MEOX1: variants seen among roughly 807,000 people sequenced by gnomAD.
MEOX1 encodes homeobox protein MOX-1.
A neutral mutation model predicts 23.2 loss-of-function variants in MEOX1; 17 were observed. The ratio of observed to expected loss-of-function variants is 0.73; its 90% CI spans 0.50 to 1.10. The LOEUF is 1.10. Ranked by LOEUF, MEOX1 falls within the 50% of genes least tolerant of loss-of-function variation. MEOX1 has a pLI of 0.00. For synonymous variants in MEOX1, 134 were observed against 135.1 expected, an observed-to-expected ratio of 0.99 and a Z score of 0.06; for missense variants, 333 against 332.2, an observed-to-expected ratio of 1.00 and a Z score of -0.02.
At chr17:43,645,335 C>A (rs1252903654) in intron 1 of MEOX1, among the ~76,000 whole-genome samples, 1 of 151,920 alleles carries the variant, frequency 6.6e-6, no homozygotes, top group Non-Finnish European at 1.5e-5. Flanking sequence ...CGCCACCACG[C>A]CCGGCAAATT....
rs1161005229 is a variant in MEOX1, at chr17:43,641,257, C to T, written c.*653G>A. The T allele has an allele frequency of 6.6e-6, 1 of 152,194 alleles. No homozygotes were observed. Among genetic ancestry groups the T allele is most frequent in the Non-Finnish European group, 1.5e-5 (1 of 68,062 alleles). The allele number at this position is 152,194 out of a possible 1,614,324, so 9.4% of individuals were successfully genotyped here. A position where few individuals can be genotyped will look rare whatever the true frequency, so the allele number is the denominator to read the frequency against. ...AACCTACATCGGGCTATTTTTCTGT[C>T]TTCTCTAGTCAGTTCTCAGAAGTGT... On this transcript the variant is annotated 3_prime_UTR_variant, in exon 3 of 3. Transcript: ENST00000318579.
chr17:43,658,688 C>T (rs539771997), intron 1 of MEOX1, among the ~76,000 whole-genome samples: 3 of 152,054 alleles, frequency 2.0e-5, no homozygotes, highest in Non-Finnish European at 2.9e-5. Context: ...ATTCCAGATT[C>T]CTGGAGTAGG....
chr17:43,652,825 CTTTTTT>C (rs397856379), intron 1 of MEOX1, among the ~76,000 whole-genome samples: 4 of 71,106 alleles, frequency 5.6e-5, no homozygotes, highest in South Asian at 7.0e-4. Flanking sequence ...TCTACTATTG[CTTTTTT>C]TTTTTTTTTT....
rs748309231 is a variant in MEOX1 at position 43,661,268 on chromosome 17, T to A, written c.267A>T (p.Pro89=). ...HIFTEQHPAF[P]QSPNWHFPVS... Reference sequence around the variant, plus strand: ...CAGGGAAGTGCCAGTTGGGGGACTGTGGGAAAGCGGGGTGCTGCTCAGTGA... The same window carrying A: ...CAGGGAAGTGCCAGTTGGGGGACTGAGGGAAAGCGGGGTGCTGCTCAGTGA... Residue 89 remains proline (P), a synonymous_variant, in exon 1 of 3, where the codon CCA becomes CCT. Coordinates refer to ENST00000318579, the MANE Select transcript of MEOX1 (RefSeq NM_004527.4). The A allele has an allele frequency of 1.2e-6, 2 of 1,609,478 alleles. No individual in the cohort carries two copies. Among genetic ancestry groups the A allele is most frequent in the South Asian group, 1.1e-5 (1 of 90,330 alleles).
At chr17:43,653,340 A>G (rs140715537) in intron 1 of MEOX1, among the ~76,000 whole-genome samples, 2,016 of 149,750 alleles carry the variant, frequency 0.013, 29 homozygotes, top group Non-Finnish European at 0.021. Flanking sequence ...GGGTTTCATC[A>G]TGTTGGTCAG....
chr17:43,661,007 G>T, intron 1 of MEOX1, 59 bp downstream of exon 1: 1 of 1,148,248 alleles, frequency 8.7e-7, no homozygotes, highest in Non-Finnish European at 1.2e-6. Context: ...CAGAGAGGGT[G>T]AGTAACTTCC....
chr17:43,653,864 C>G (rs1972964889), intron 1 of MEOX1, among the ~76,000 whole-genome samples: 1 of 152,132 alleles, frequency 6.6e-6, no homozygotes, highest in South Asian at 2.1e-4. Context: ...AATCAGGGAT[C>G]TGCTTGTGGC....
At chr17:43,644,910 C>T (rs529807574) in intron 1 of MEOX1, among the ~76,000 whole-genome samples, 38 of 151,900 alleles carry the variant, frequency 2.5e-4, no homozygotes, top group South Asian at 4.2e-4. Flanking sequence ...AGCAAGACTA[C>T]GTCTTGAAAA....
At chr17:43,646,071 G>A (rs1176295251) in intron 1 of MEOX1, among the ~76,000 whole-genome samples, 1 of 152,196 alleles carries the variant, frequency 6.6e-6, no homozygotes, top group Admixed American at 6.5e-5. Flanking sequence ...TGGCACCCTG[G>A]CCCGGGGGTC....
At chr17:43,655,897 G>A (rs144469216) in intron 1 of MEOX1, among the ~76,000 whole-genome samples, 1,598 of 152,140 alleles carry the variant, frequency 0.011, 24 homozygotes, top group African/African-American at 0.035. Context: ...ATAGAGTTTC[G>A]GTTTTGCAAG....
intron 1 of MEOX1, among the ~76,000 whole-genome samples, chr17:43,657,821 A>G (rs775022322): frequency 1.4e-4 from 22 of 152,154 alleles, no homozygotes; most frequent in Admixed American, 2.6e-4. Context: ...AAATATAGAA[A>G]TATTTGTCAG....
In MEOX1 at chr17:43,643,668, G is replaced by C. The variant is rs765346919; in HGVS notation, c.470-8C>G. 1 of 1,610,924 alleles carries C rather than the reference G, an allele frequency of 6.2e-7. No individual in the cohort carries two copies. Among genetic ancestry groups the C allele is most frequent in the East Asian group, 2.2e-5 (1 of 44,784 alleles). On this transcript the variant is annotated splice_region_variant and splice_polypyrimidine_tract_variant and intron_variant, in intron 1 of 2. Coordinates refer to ENST00000318579, the MANE Select transcript of MEOX1 (RefSeq NM_004527.4). The stretch of plus-strand genomic sequence containing the variant: ...CTCTGTTCTCCTGGTTGTCTGGGGA[G>C]AGAGGACCCCAAACAGGAAGACATG...
At chr17:43,648,206 A>G (rs1972846405) in intron 1 of MEOX1, among the ~76,000 whole-genome samples, 1 of 152,236 alleles carries the variant, frequency 6.6e-6, no homozygotes. Flanking sequence ...CAGGTGGCTC[A>G]GGCCTGTAAT....
chr17:43,660,961 G>C (rs1165195665), intron 1 of MEOX1, 105 bp downstream of exon 1: 3 of 685,606 alleles, frequency 4.4e-6, no homozygotes, highest in Non-Finnish European at 7.0e-6. Flanking sequence ...CATTTGGATG[G>C]ACTAGACAGA....
At chr17:43,655,047 G>T (rs780780616) in intron 1 of MEOX1, among the ~76,000 whole-genome samples, 1 of 151,610 alleles carries the variant, frequency 6.6e-6, no homozygotes, top group African/African-American at 2.4e-5. Context: ...GTGAGACTCC[G>T]TCTCAAAAAA....
At chr17:43,657,597 A>G (rs1243403885) in intron 1 of MEOX1, among the ~76,000 whole-genome samples, 1 of 152,118 alleles carries the variant, frequency 6.6e-6, no homozygotes, top group Non-Finnish European at 1.5e-5. Flanking sequence ...CGCAGAGAAC[A>G]TTCCTCTTAC....
intron 1 of MEOX1, among the ~76,000 whole-genome samples, chr17:43,647,709 G>T (rs905353886): frequency 1.1e-4 from 16 of 152,228 alleles, no homozygotes; most frequent in African/African-American, 3.9e-4. Context: ...GCTGACTACT[G>T]CCAGCCAAGC....
chr17:43,641,813 G>T lies in MEOX1; in HGVS notation c.*97C>A. On this transcript the variant is annotated 3_prime_UTR_variant, in exon 3 of 3. Transcript: ENST00000318579. ...AGTCAGGGAAAGATGTGGAGAGGCT[G>T]CCCTGGCTGGGGAAGGAAGAGGGTG... 1.5e-6 allele frequency: 2 copies of T among 1,304,618 alleles called. No homozygotes were observed. The highest frequency in any genetic ancestry group is 2.4e-5 in the East Asian group (1 of 42,404). 80.8% of individuals were successfully genotyped at this position (1,304,618 alleles called of 1,614,324 possible).
chr17:43,649,339 C>T (rs1426375789), intron 1 of MEOX1, among the ~76,000 whole-genome samples: 1 of 144,490 alleles, frequency 6.9e-6, no homozygotes, highest in African/African-American at 2.6e-5. Flanking sequence ...CTTTGGTCAC[C>T]CAGGCTGGAG....
Sources: allele counts gnomAD v4.1 joint callset (sites outside exome capture counted in the v4.1 genomes callset), GRCh38; gene constraint gnomAD v4.1.1; transcripts MANE v1.5; gene names NCBI Gene and HGNC (gene_info 2026-07-23, HGNC 2026-07-21).